The following PDGFD variants were observed in gnomAD, a reference collection of about 807,000 sequenced individuals.
PDGFD encodes the protein platelet derived growth factor D.
A neutral mutation model predicts 44.7 loss-of-function variants in PDGFD; 30 were observed. The observed-to-expected ratio is 0.67, with a 90% CI of 0.50 to 0.91. The LOEUF is 0.91. Ranked by LOEUF, PDGFD falls within the 40% of genes least tolerant of loss-of-function variation. PDGFD has a pLI of 0.00. For missense variants in PDGFD, 445 were observed against 457.8 expected, an observed-to-expected ratio of 0.97 and a Z score of 0.25; for synonymous variants, 173 against 168.4, an observed-to-expected ratio of 1.03 and a Z score of -0.21.
chr11:103,922,137 C>G (rs1186217064), intron 6 of PDGFD, among the ~76,000 whole-genome samples: 1 of 152,076 alleles, frequency 6.6e-6, no homozygotes, highest in Non-Finnish European at 1.5e-5. Flanking sequence ...TAAATGGATA[C>G]AGCCAGGGCA....
At chr11:104,081,090 C>T (rs568339831) in intron 1 of PDGFD, among the ~76,000 whole-genome samples, 1 of 152,114 alleles carries the variant, frequency 6.6e-6, no homozygotes, top group South Asian at 2.1e-4. Context: ...TCCTGACCTA[C>T]AAAAACTAAG....
rs34817646 is a variant in PDGFD, at chr11:104,113,589, G to GTT, written c.124+50213_124+50214dup. Among the ~76,000 whole-genome samples the GTT allele has an allele frequency of 6.5e-3, 916 of 141,742 alleles. 10 individuals are homozygous for GTT. The highest frequency in any genetic ancestry group is 0.021 in the African/African-American group (826 of 38,918). 93.0% of individuals were successfully genotyped at this position (141,742 alleles called of 152,430 possible). A position where few individuals can be genotyped will look rare whatever the true frequency, so the allele number is the denominator to read the frequency against. The stretch of plus-strand genomic sequence containing the variant: ...GCTGCTATAAACATCCAACTGCAGT[G>GTT]TTTTTTTTTTTTTAATGAACATAAG... On this transcript the variant is annotated intron_variant, in intron 1 of 6. Transcript: ENST00000393158.
At chr11:103,943,347 A>T (rs984872031) in intron 5 of PDGFD, 105 bp downstream of exon 5, 1 of 1,165,644 alleles carries the variant, frequency 8.6e-7, no homozygotes, top group Non-Finnish European at 1.2e-6. Flanking sequence ...AGCATCCAAA[A>T]TCCAAAAGAC....
rs376462357 is a variant in PDGFD at position 104,114,889 on chromosome 11, T to G, written c.124+48915A>C. 2.2e-4 allele frequency among the ~76,000 whole-genome samples: 34 copies of G among 151,824 alleles called. 1 individual carries two copies. The highest frequency in any genetic ancestry group is 3.4e-3 in the Middle Eastern group (1 of 294). ...TCATAACATTTTTAGGTTTTTTTTT[T>G]TGTTTTTTCAAATTTTTTATTTCCA... On this transcript the variant is annotated intron_variant, in intron 1 of 6. Coordinates refer to ENST00000393158, the MANE Select transcript of PDGFD (RefSeq NM_025208.5).
At chr11:103,909,925 AC>A in intron 6 of PDGFD, 106 bp from the exon 7 acceptor site, 1 of 1,372,350 alleles carries the variant, frequency 7.3e-7, no homozygotes, top group Non-Finnish European at 1.0e-6. Flanking sequence ...CCCTTTGAGA[AC>A]CCAACAGAAG....
At chr11:103,982,130 G>A (rs1009760881) in intron 3 of PDGFD, among the ~76,000 whole-genome samples, 4 of 151,682 alleles carry the variant, frequency 2.6e-5, no homozygotes, top group Admixed American at 1.3e-4. Flanking sequence ...AGTAGGCCCT[G>A]GAACAAAGCA....
intron 6 of PDGFD, among the ~76,000 whole-genome samples, 192 bp downstream of exon 6, chr11:103,926,720 G>A (rs983843734): frequency 2.0e-5 from 3 of 152,240 alleles, no homozygotes; most frequent in East Asian, 1.9e-4. Context: ...CAGTGCCTTC[G>A]TCAGGATAGG....
intron 1 of PDGFD, among the ~76,000 whole-genome samples, chr11:104,155,347 C>T (rs545813390): frequency 6.6e-6 from 1 of 152,142 alleles, no homozygotes; most frequent in Admixed American, 6.5e-5. Flanking sequence ...AGTTATTCCC[C>T]GGCAATATAC....
intron 1 of PDGFD, among the ~76,000 whole-genome samples, chr11:104,114,105 G>A (rs907770729): frequency 1.3e-5 from 2 of 151,874 alleles, no homozygotes; most frequent in Non-Finnish European, 2.9e-5. Context: ...TTTTAATAAA[G>A]TATAGCTTAT....
chr11:104,131,677 T>C (rs1202752906), intron 1 of PDGFD, among the ~76,000 whole-genome samples: 3 of 151,982 alleles, frequency 2.0e-5, no homozygotes, highest in African/African-American at 7.2e-5. Context: ...GAGTGGCATT[T>C]CTGGTCTAGC....
At chr11:104,097,053 G>A (rs979104473) in intron 1 of PDGFD, among the ~76,000 whole-genome samples, 1 of 152,102 alleles carries the variant, frequency 6.6e-6, no homozygotes. Context: ...ATCACTCTAC[G>A]ACTGTTGAAA....
chr11:104,134,957 AC>A (rs1450541918), intron 1 of PDGFD, among the ~76,000 whole-genome samples: 1 of 152,150 alleles, frequency 6.6e-6, no homozygotes, highest in Non-Finnish European at 1.5e-5. Flanking sequence ...AATCTGGCTA[AC>A]CAAGGCTGAG....
chr11:104,035,690 G>A (rs114653189), intron 1 of PDGFD, among the ~76,000 whole-genome samples: 1,953 of 150,782 alleles, frequency 0.013, 37 homozygotes, highest in African/African-American at 0.045. Flanking sequence ...TCATATCCTG[G>A]TATTCAAAGT....
intron 1 of PDGFD, among the ~76,000 whole-genome samples, chr11:104,060,523 C>G (rs1860697397): frequency 6.6e-6 from 1 of 152,166 alleles, no homozygotes; most frequent in African/African-American, 2.4e-5. Flanking sequence ...GTTGCTAATT[C>G]AGATTTAATT....
intron 1 of PDGFD, among the ~76,000 whole-genome samples, chr11:104,127,002 G>C (rs563526863): frequency 1.6e-4 from 24 of 152,176 alleles, no homozygotes; most frequent in African/African-American, 5.1e-4. Flanking sequence ...AGTTCAGAAA[G>C]ACCTTCAGGG....
intron 1 of PDGFD, among the ~76,000 whole-genome samples, chr11:104,070,601 C>T (rs928190696): frequency 2.6e-5 from 4 of 152,166 alleles, no homozygotes; most frequent in African/African-American, 9.7e-5. Flanking sequence ...TCCTTCTTTT[C>T]CCTCTGGTAA....
intron 1 of PDGFD, among the ~76,000 whole-genome samples, chr11:104,143,036 T>C (rs966227281): frequency 6.6e-6 from 1 of 152,218 alleles, no homozygotes; most frequent in Admixed American, 6.5e-5. Context: ...GAGGCCTGGT[T>C]ATTTTTAGGG....
At chr11:103,998,575 A>G (rs772448293) in intron 2 of PDGFD, among the ~76,000 whole-genome samples, 2 of 152,178 alleles carry the variant, frequency 1.3e-5, no homozygotes, top group Admixed American at 6.5e-5. Context: ...TGCATCCTCT[A>G]TAATAAACTG....
intron 1 of PDGFD, among the ~76,000 whole-genome samples, chr11:104,095,389 C>A (rs747077992): frequency 6.6e-6 from 1 of 151,828 alleles, no homozygotes; most frequent in Non-Finnish European, 1.5e-5. Context: ...TTATTGAAAA[C>A]CACTCATTCC....
Sources: allele counts gnomAD v4.1 joint callset (sites outside exome capture counted in the v4.1 genomes callset), GRCh38; gene constraint gnomAD v4.1.1; transcripts MANE v1.5; gene names NCBI Gene and HGNC (gene_info 2026-07-23, HGNC 2026-07-21).